Variants in TRDN observed in about 807,000 individuals in gnomAD.
TRDN encodes the protein triadin.
In TRDN, 161 loss-of-function variants were observed where a neutral mutation model predicts 149.7. The ratio of observed to expected loss-of-function variants is 1.08; its 90% CI spans 0.95 to 1.23. TRDN has a LOEUF of 1.23. TRDN is among the 50% of genes most tolerant of loss of function. The pLI is 0.00. For synonymous variants in TRDN, 294 were observed against 250.5 expected (o/e 1.17, Z -1.64); for missense variants, 896 against 823.5 (o/e 1.09, Z -1.08).
intron 10 of TRDN, chr6:123,444,864 T>A (rs1195160624): frequency 6.6e-6 from 1 of 152,238 alleles, no homozygotes; most frequent in Admixed American, 6.5e-5. Context: ...ATTCCAGGGA[T>A]GAAGCCCACT....
chr6:123,401,921 T>C (rs1772991969), intron 12 of TRDN, among the ~76,000 whole-genome samples: 1 of 143,270 alleles, frequency 7.0e-6, no homozygotes, highest in African/African-American at 2.6e-5. Flanking sequence ...CACTCCAGCC[T>C]GGGTAACGGA....
At chr6:123,503,484 C>T (rs1562351018) in intron 8 of TRDN, 1 of 984,942 alleles carries the variant, frequency 1.0e-6, no homozygotes, top group East Asian at 1.1e-4. Context: ...CCTCCAAACC[C>T]CTTTTAAAAA....
intron 4 of TRDN, among the ~76,000 whole-genome samples, chr6:123,541,391 C>T (rs1780828350): frequency 6.6e-6 from 1 of 152,154 alleles, no homozygotes; most frequent in Non-Finnish European, 1.5e-5. Flanking sequence ...CTACAGCTGC[C>T]TGAGTCAGTG....
chr6:123,490,350 GAGAGCGTGGAT>G (rs1778160935), intron 9 of TRDN, among the ~76,000 whole-genome samples: 1 of 152,156 alleles, frequency 6.6e-6, no homozygotes, highest in Non-Finnish European at 1.5e-5. Flanking sequence ...AGGTAGCTTA[GAGAGCGTGGAT>G]ACATCGGACA....
chr6:123,502,233 A>G, intron 8 of TRDN: 1 of 976,354 alleles, frequency 1.0e-6, no homozygotes, highest in African/African-American at 1.7e-5. Context: ...CCACAGTAAA[A>G]TATTATATTC....
At chr6:123,270,001 A>C in intron 30 of TRDN, 135 bp from the exon 31 acceptor site, 1 of 691,182 alleles carries the variant, frequency 1.4e-6, no homozygotes, top group Non-Finnish European at 2.2e-6. Flanking sequence ...GTTTTCTTTG[A>C]CCACTAATAT....
At chr6:123,627,402 A>ATTTT (rs1005586317) in intron 1 of TRDN, among the ~76,000 whole-genome samples, 1 of 151,060 alleles carries the variant, frequency 6.6e-6, no homozygotes, top group Non-Finnish European at 1.5e-5. Flanking sequence ...CTTTGGAAGA[A>ATTTT]TTTTTTTTTT....
At chr6:123,423,775 A>C (rs937642956) in intron 12 of TRDN, among the ~76,000 whole-genome samples, 2 of 152,142 alleles carry the variant, frequency 1.3e-5, no homozygotes, top group Non-Finnish European at 2.9e-5. Context: ...ATGGGGCAGC[A>C]TTATTTTCAA....
Position 123,224,150 on chromosome 6 carries a change from G to A in TRDN, c.1976-19C>T, listed in dbSNP as rs1257321692. The A allele has an allele frequency of 1.9e-6, 3 of 1,607,998 alleles. No individual in the cohort carries two copies. The highest frequency in any genetic ancestry group is 1.7e-6 in the Non-Finnish European group (2 of 1,176,412). On this transcript the variant is annotated intron_variant, in intron 38 of 40. Transcript: ENST00000334268. The stretch of plus-strand genomic sequence containing the variant: ...ACATCTTCTAGAGTACAGAAAAAAG[G>A]CACATAGAATCACAGTCAATTTTTC...
chr6:123,368,832 C>G (rs1051358786), intron 19 of TRDN, among the ~76,000 whole-genome samples: 3 of 152,046 alleles, frequency 2.0e-5, no homozygotes, highest in African/African-American at 7.2e-5. Flanking sequence ...ATTCCTTGTT[C>G]TTGCCACTTT....
chr6:123,470,003 A>G (rs1777061879), intron 9 of TRDN: 1 of 152,194 alleles, frequency 6.6e-6, no homozygotes, highest in Admixed American at 6.5e-5. Flanking sequence ...GTTCATCTTT[A>G]ATATTAGAGA....
intron 12 of TRDN, among the ~76,000 whole-genome samples, chr6:123,424,400 G>A (rs977469267): frequency 6.6e-6 from 1 of 151,816 alleles, no homozygotes; most frequent in African/African-American, 2.4e-5. Flanking sequence ...TTGAAGTCAC[G>A]GCTCTTTTCA....
chr6:123,516,766 C>A (rs565689843), intron 5 of TRDN, among the ~76,000 whole-genome samples: 1 of 152,130 alleles, frequency 6.6e-6, no homozygotes, highest in Non-Finnish European at 1.5e-5. Context: ...TCAATTATTA[C>A]AACAGGACTA....
intron 9 of TRDN, among the ~76,000 whole-genome samples, chr6:123,473,390 G>T (rs1777290145): frequency 6.6e-6 from 1 of 151,734 alleles, no homozygotes; most frequent in South Asian, 2.1e-4. Flanking sequence ...GGGAAGTTTA[G>T]AGAAAAAAGA....
At chr6:123,521,101 T>C (rs948619219) in intron 5 of TRDN, among the ~76,000 whole-genome samples, 3 of 152,170 alleles carry the variant, frequency 2.0e-5, no homozygotes, top group African/African-American at 7.2e-5. Context: ...AATCCTGCAA[T>C]TGTTTCCCAA....
rs185225626 is a variant in TRDN, at chr6:123,266,931, T to C, written c.1783+776A>G. 3.1e-3 allele frequency among the ~76,000 whole-genome samples: 458 copies of C among 146,036 alleles called. 4 individuals are homozygous for C. The highest frequency in any genetic ancestry group is 0.011 in the African/African-American group (426 of 39,678). ...AGACCATCCTGGCTAACACAGTGAA[T>C]CCCTTCTCTACTAAAAATACAAAAA... is the stretch of plus-strand genomic sequence containing the variant. On this transcript the variant is annotated intron_variant, in intron 32 of 40. Coordinates refer to ENST00000334268, the MANE Select transcript of TRDN (RefSeq NM_006073.4).
chr6:123,585,941 A>G (rs56406709), intron 1 of TRDN, among the ~76,000 whole-genome samples: 77,385 of 151,116 alleles, frequency 0.51, 20,084 homozygotes, highest in African/African-American at 0.59. Context: ...TTTGAGGGCC[A>G]GAATTTAATT....
At chr6:123,360,720 G>GTA (rs1554228119) in intron 20 of TRDN, among the ~76,000 whole-genome samples, 1 of 142,988 alleles carries the variant, frequency 7.0e-6, no homozygotes, top group Non-Finnish European at 1.5e-5. Context: ...AGAGAGAGAC[G>GTA]GAGAGAGAGA....
At chr6:123,251,524 C>T (rs1212319985) in intron 38 of TRDN, among the ~76,000 whole-genome samples, 4 of 151,670 alleles carry the variant, frequency 2.6e-5, no homozygotes, top group African/African-American at 7.3e-5. Context: ...ATTATTTCCA[C>T]TTGTTTTGTT....
Sources: gnomAD v4.1 joint callset for allele counts (sites outside exome capture counted in the v4.1 genomes callset) on GRCh38, gnomAD v4.1.1 for gene constraint, MANE v1.5 for transcripts, NCBI Gene and HGNC (gene_info 2026-07-23, HGNC 2026-07-21) for gene names.